ENAH: variants seen among roughly 807,000 people sequenced by gnomAD.
ENAH encodes the protein protein enabled homolog.
ENAH carries 23 observed loss-of-function variants against 78.7 expected under a neutral mutation model. The ratio of observed to expected loss-of-function variants is 0.29; its 90% CI spans 0.21 to 0.41. The LOEUF is 0.41. Ranked by LOEUF, ENAH falls within the 10% of genes least tolerant of loss-of-function variation. ENAH has a pLI of 1.00. For synonymous variants in ENAH, 226 were observed against 241.0 expected, an observed-to-expected ratio of 0.94 and a Z score of 0.58; for missense variants, 544 against 691.0, an observed-to-expected ratio of 0.79 and a Z score of 2.39.
intron 2 of ENAH, among the ~76,000 whole-genome samples, chr1:225,562,433 G>C (rs1219317835): frequency 6.6e-6 from 1 of 151,614 alleles, no homozygotes; most frequent in South Asian, 2.1e-4. Context: ...TTAACCGGGC[G>C]TGGTGACAGG....
chr1:225,543,561 C>G (rs567504954), intron 3 of ENAH, among the ~76,000 whole-genome samples: 1 of 152,138 alleles, frequency 6.6e-6, no homozygotes. Flanking sequence ...TCCTAACTAC[C>G]ATTCTGCACC....
chr1:225,576,286 A>C (rs1045758558), intron 1 of ENAH, among the ~76,000 whole-genome samples: 3 of 151,708 alleles, frequency 2.0e-5, no homozygotes, highest in Non-Finnish European at 2.9e-5. Flanking sequence ...AAAAAAAAAA[A>C]AAAAAACCCA....
chr1:225,606,313 T>G (rs1350314307), intron 1 of ENAH, among the ~76,000 whole-genome samples: 1 of 151,742 alleles, frequency 6.6e-6, no homozygotes, highest in African/African-American at 2.4e-5. Context: ...AATATAAAAA[T>G]TAGCCATGCG....
At chr1:225,564,454 A>ATTTGTT (rs2096724849) in intron 2 of ENAH, among the ~76,000 whole-genome samples, 1 of 122,424 alleles carries the variant, frequency 8.2e-6, no homozygotes, top group African/African-American at 3.1e-5. Context: ...ATGCCCGACT[A>ATTTGTT]TTTTTTTTTT....
intron 1 of ENAH, among the ~76,000 whole-genome samples, chr1:225,584,378 T>C (rs914789500): frequency 6.6e-6 from 1 of 151,680 alleles, no homozygotes; most frequent in African/African-American, 2.4e-5. Flanking sequence ...GTGAAAGCAA[T>C]AACTAACAGG....
At chr1:225,601,140 T>G (rs182806253) in intron 1 of ENAH, among the ~76,000 whole-genome samples, 1 of 152,120 alleles carries the variant, frequency 6.6e-6, no homozygotes, top group Non-Finnish European at 1.5e-5. Flanking sequence ...CAACAATTAC[T>G]CTTAATCAAC....
Position 225,514,589 on chromosome 1 carries a change from T to C in ENAH, c.1218+7A>G. On this transcript the variant is annotated splice_region_variant and intron_variant, in intron 7 of 13. Transcript: ENST00000366843. ...ATATTAAAAAAATTTTTCAGAAAGG[T>C]ATTTACCCGTGACACTTTCCTAAGT... 6.2e-7 allele frequency: 1 copy of C among 1,610,280 alleles called. No homozygotes were observed. Among genetic ancestry groups the C allele is most frequent in the South Asian group, 1.1e-5 (1 of 90,884 alleles).
intron 3 of ENAH, among the ~76,000 whole-genome samples, chr1:225,539,477 C>T (rs1428223548): frequency 6.6e-6 from 1 of 152,058 alleles, no homozygotes; most frequent in East Asian, 1.9e-4. Context: ...ACTGAGAGAC[C>T]ACCAACCTAG....
chr1:225,624,285 T>A (rs980434054), intron 1 of ENAH, among the ~76,000 whole-genome samples: 2 of 151,136 alleles, frequency 1.3e-5, no homozygotes, highest in South Asian at 2.1e-4. Flanking sequence ...AAAAAAAAAA[T>A]TTAAGATTAG....
chr1:225,522,555 CT>C, intron 4 of ENAH, among the ~76,000 whole-genome samples: 1 of 152,108 alleles, frequency 6.6e-6, no homozygotes, highest in South Asian at 2.1e-4. Context: ...ATAACAATAA[CT>C]TTATCTGCAG....
chr1:225,573,265 T>A (rs1001713295), intron 1 of ENAH, among the ~76,000 whole-genome samples: 1 of 152,194 alleles, frequency 6.6e-6, no homozygotes, highest in Non-Finnish European at 1.5e-5. Flanking sequence ...TAGCACACAG[T>A]AGGCACTCTT....
chr1:225,514,806 G>A lies in ENAH; in HGVS notation c.1008C>T (p.Pro336=), dbSNP rs2096405004. Residue 336 remains proline (P), a synonymous_variant, in exon 7 of 14, where the codon CCC becomes CCT. Transcript: ENST00000366843. The part of the protein sequence containing the change: ...ASVALPPPPG[P]PPPPPLPSTG... ...TGGATGGGAGTGGAGGAGGTGGAGG[G>A]GGCCCTGGGGGAGGAGGGAGGGCTA... The A allele has an allele frequency of 6.7e-7, 1 of 1,488,204 alleles. No individual in the cohort carries two copies. The highest frequency in any genetic ancestry group is 2.3e-5 in the Admixed American group (1 of 43,430). 92.2% of individuals were successfully genotyped at this position (1,488,204 alleles called of 1,614,324 possible). A position where few individuals can be genotyped will look rare whatever the true frequency, so the allele number is the denominator to read the frequency against.
At chr1:225,591,221 C>A (rs973310401) in intron 1 of ENAH, among the ~76,000 whole-genome samples, 4 of 152,178 alleles carry the variant, frequency 2.6e-5, no homozygotes, top group Non-Finnish European at 4.4e-5. Flanking sequence ...GTAATCCCAG[C>A]CCTTTGGGAG....
At chr1:225,631,708 C>G (rs1163508305) in intron 1 of ENAH, among the ~76,000 whole-genome samples, 2 of 152,154 alleles carry the variant, frequency 1.3e-5, no homozygotes, top group African/African-American at 4.8e-5. Context: ...TGCCTTCACT[C>G]TCAAAGTTTC....
At chr1:225,556,819 A>C (rs772934801) in intron 2 of ENAH, among the ~76,000 whole-genome samples, 15 of 152,124 alleles carry the variant, frequency 9.9e-5, no homozygotes, top group Non-Finnish European at 1.9e-4. Flanking sequence ...TTTACCTTTC[A>C]TATTTCTATC....
chr1:225,630,891 G>T (rs1410590010), intron 1 of ENAH, among the ~76,000 whole-genome samples: 1 of 152,080 alleles, frequency 6.6e-6, no homozygotes, highest in African/African-American at 2.4e-5. Flanking sequence ...CCCTGTTACA[G>T]CAACAAAACA....
At chr1:225,607,738 CT>C (rs1230242496) in intron 1 of ENAH, among the ~76,000 whole-genome samples, 12 of 152,096 alleles carry the variant, frequency 7.9e-5, no homozygotes, top group Non-Finnish European at 8.8e-5. Flanking sequence ...CACCACCCTC[CT>C]TTTCCCCAAT....
At chr1:225,630,972 T>C (rs1658905317) in intron 1 of ENAH, among the ~76,000 whole-genome samples, 1 of 152,208 alleles carries the variant, frequency 6.6e-6, no homozygotes, top group South Asian at 2.1e-4. Context: ...AGCATTTTAT[T>C]GTATCTTCTA....
rs546243177 is a variant in ENAH at position 225,550,085 on chromosome 1, A to AC, written c.349+4820dup. Among the ~76,000 whole-genome samples, 29 of 152,068 alleles carry AC rather than the reference A, an allele frequency of 1.9e-4. No homozygotes were observed. The East Asian group carries it at 5.6e-3, about 29-fold the overall frequency. Reference sequence around the variant, plus strand: ...TTGGGATGCCCTGCTCCTGACCCCCACCACATAAATTCTCATGTCCAAGCC... The same window carrying AC: ...TTGGGATGCCCTGCTCCTGACCCCCACCCACATAAATTCTCATGTCCAAGCC... On this transcript the variant is annotated intron_variant, in intron 3 of 13. Transcript: ENST00000366843.
Sources: gnomAD v4.1 joint callset for allele counts (sites outside exome capture counted in the v4.1 genomes callset) on GRCh38, gnomAD v4.1.1 for gene constraint, MANE v1.5 for transcripts, NCBI Gene and HGNC (gene_info 2026-07-23, HGNC 2026-07-21) for gene names.